The following TLN2 variants were observed in gnomAD, a reference collection of about 807,000 sequenced individuals.
TLN2 encodes the protein talin 2.
Under a neutral mutation model 294.7 loss-of-function variants are expected in TLN2, and 118 were observed. That is an observed-to-expected ratio of 0.40 (90% CI 0.34 to 0.47). TLN2 has a LOEUF of 0.47. Among genes scored for constraint, TLN2 ranks in the 20% least tolerant of loss-of-function variants. The pLI is 0.84. For synonymous variants in TLN2, 1,431 were observed against 1,304.5 expected (o/e 1.10, Z -2.09); for missense variants, 3,083 against 3,282.2 (o/e 0.94, Z 1.48).
Position 62,436,441 on chromosome 15 carries a change from C to G in TLN2, c.-238+45756C>G, listed in dbSNP as rs900433887. Reference sequence around the variant, plus strand: ...GGAAGACTTCCTTGAGGGAATGTGTCCAACCCTATAACCTGAGTGGGAGTT... The same window carrying G: ...GGAAGACTTCCTTGAGGGAATGTGTGCAACCCTATAACCTGAGTGGGAGTT... On this transcript the variant is annotated intron_variant, in intron 1 of 58. Coordinates refer to ENST00000636159, the MANE Select transcript of TLN2 (RefSeq NM_015059.3). 3.9e-5 allele frequency among the ~76,000 whole-genome samples: 6 copies of G among 152,306 alleles called. No individual in the cohort carries two copies. In the South Asian group the frequency reaches 8.3e-4, roughly 21 times the overall value.
At position 62,641,885 on chromosome 15, in the gene TLN2, A is replaced by T. The variant is rs144420136; in HGVS notation, c.-36-5390A>T. 1.3e-4 allele frequency among the ~76,000 whole-genome samples: 20 copies of T among 152,326 alleles called. 1 individual carries two copies. The highest frequency in any genetic ancestry group is 3.4e-4 in the African/African-American group (14 of 41,572). On this transcript the variant is annotated intron_variant, in intron 3 of 58. Coordinates refer to ENST00000636159, the MANE Select transcript of TLN2 (RefSeq NM_015059.3). ...AAGGCTGCTCATCTTGACCAATGAC[A>T]GGCATTTATTTTGAAGAGAAGGAGG...
chr15:62,596,002 G>A (rs183341565), intron 2 of TLN2, among the ~76,000 whole-genome samples: 22 of 152,258 alleles, frequency 1.4e-4, no homozygotes, highest in African/African-American at 1.9e-4. Context: ...TTGGCCAGGC[G>A]CGGTGGCTCA....
At chr15:62,482,568 C>T (rs2038161144) in intron 1 of TLN2, among the ~76,000 whole-genome samples, 1 of 142,742 alleles carries the variant, frequency 7.0e-6, no homozygotes, top group Non-Finnish European at 1.5e-5. Context: ...TGCCATCGCA[C>T]TCCAGCCTGG....
chr15:62,803,187 C>T (rs540415008), intron 50 of TLN2, among the ~76,000 whole-genome samples: 1 of 152,290 alleles, frequency 6.6e-6, no homozygotes, highest in South Asian at 2.1e-4. Context: ...AAGTCTGCTG[C>T]TAAGCATATT....
At chr15:62,641,849 A>G (rs2051154514) in intron 3 of TLN2, among the ~76,000 whole-genome samples, 1 of 152,178 alleles carries the variant, frequency 6.6e-6, no homozygotes, top group South Asian at 2.1e-4. Flanking sequence ...TTACAGGCAG[A>G]GATCCAAGGG....
chr15:62,779,131 T>C (rs905795438), intron 43 of TLN2, among the ~76,000 whole-genome samples: 1 of 152,242 alleles, frequency 6.6e-6, no homozygotes, highest in African/African-American at 2.4e-5. Flanking sequence ...CCTGACACTT[T>C]GGGTGCTTTC....
intron 27 of TLN2, among the ~76,000 whole-genome samples, 192 bp from the exon 28 acceptor site, chr15:62,726,895 G>A (rs1417378898): frequency 1.3e-5 from 2 of 152,170 alleles, no homozygotes; most frequent in Non-Finnish European, 2.9e-5. Context: ...ATGGGGCAGG[G>A]ATTTGCACCC....
chr15:62,554,250 G>A (rs928131798), intron 1 of TLN2, among the ~76,000 whole-genome samples: 14 of 151,172 alleles, frequency 9.3e-5, no homozygotes, highest in Non-Finnish European at 2.9e-5. Context: ...AAGCTTGGTT[G>A]ATGCTCATTC....
chr15:62,610,537 C>G (rs2047833323), intron 2 of TLN2, among the ~76,000 whole-genome samples: 1 of 152,204 alleles, frequency 6.6e-6, no homozygotes. Flanking sequence ...GAACGCTAGA[C>G]AGCACCTCGG....
At chr15:62,407,792 A>G (rs2140247750) in intron 1 of TLN2, among the ~76,000 whole-genome samples, 1 of 152,038 alleles carries the variant, frequency 6.6e-6, no homozygotes. Flanking sequence ...GCGGGCGCCT[A>G]TAATCCCAGC....
intron 45 of TLN2, among the ~76,000 whole-genome samples, chr15:62,790,994 G>A (rs956230614): frequency 2.0e-5 from 3 of 152,156 alleles, no homozygotes; most frequent in African/African-American, 7.2e-5. Flanking sequence ...GTAGCACCCT[G>A]TGTACGAAGG....
chr15:62,789,246 T>C (rs1392306986), intron 45 of TLN2, among the ~76,000 whole-genome samples: 2 of 152,172 alleles, frequency 1.3e-5, no homozygotes, highest in African/African-American at 4.8e-5. Flanking sequence ...AGATGACAGT[T>C]GCGTGACTTG....
At chr15:62,629,067 C>T (rs375907720) in intron 3 of TLN2, among the ~76,000 whole-genome samples, 7 of 152,112 alleles carry the variant, frequency 4.6e-5, no homozygotes, top group African/African-American at 1.7e-4. Flanking sequence ...CATAGTAGCA[C>T]ATACCTGTAG....
intron 2 of TLN2, among the ~76,000 whole-genome samples, chr15:62,604,524 TAAAA>T (rs35955277): frequency 7.7e-4 from 67 of 87,316 alleles, no homozygotes; most frequent in African/African-American, 2.8e-3. Context: ...GACCTTGTCT[TAAAA>T]AAAAAAAAAA....
At chr15:62,525,531 A>G (rs1041190549) in intron 1 of TLN2, among the ~76,000 whole-genome samples, 10 of 152,222 alleles carry the variant, frequency 6.6e-5, no homozygotes, top group Admixed American at 1.3e-4. Context: ...TGAGGTTAGT[A>G]CAATGTCTTT....
intron 1 of TLN2, among the ~76,000 whole-genome samples, chr15:62,577,146 G>A (rs1297671418): frequency 6.6e-6 from 1 of 152,282 alleles, no homozygotes; most frequent in Middle Eastern, 3.4e-3. Flanking sequence ...GCTTCTTATT[G>A]TTGAAAATAC....
At chr15:62,814,750 A>T (rs2066961853) in intron 52 of TLN2, among the ~76,000 whole-genome samples, 3 of 152,270 alleles carry the variant, frequency 2.0e-5, no homozygotes, top group Admixed American at 2.0e-4. Flanking sequence ...TCACAACAGT[A>T]TTCGGTCACC....
intron 1 of TLN2, among the ~76,000 whole-genome samples, chr15:62,412,019 A>G (rs1260407391): frequency 6.6e-6 from 1 of 152,212 alleles, no homozygotes; most frequent in African/African-American, 2.4e-5. Flanking sequence ...CGTATTTAAC[A>G]GTTAGCCCAT....
chr15:62,728,510 A>C (rs1466317283), intron 28 of TLN2, among the ~76,000 whole-genome samples: 1 of 152,196 alleles, frequency 6.6e-6, no homozygotes, highest in East Asian at 1.9e-4. Flanking sequence ...TGTGTTCAGT[A>C]CATTTCTTTC....
Sources: gnomAD v4.1 joint callset for allele counts (sites outside exome capture counted in the v4.1 genomes callset) on GRCh38, gnomAD v4.1.1 for gene constraint, MANE v1.5 for transcripts, NCBI Gene and HGNC (gene_info 2026-07-23, HGNC 2026-07-21) for gene names.